The following GRID2IP variants were observed in gnomAD, a reference collection of about 807,000 sequenced individuals.
GRID2IP encodes the protein delphilin.
Under a neutral mutation model 114.3 loss-of-function variants are expected in GRID2IP, and 78 were observed. The observed-to-expected ratio is 0.68, with a 90% confidence interval of 0.57 to 0.82. GRID2IP has a LOEUF of 0.82. Among genes scored for constraint, GRID2IP ranks in the 40% least tolerant of loss-of-function variants. The probability of loss-of-function intolerance (pLI) is 0.00; values close to 1 mark genes in which losing one functional copy is unlikely to be tolerated. For missense variants in GRID2IP, 1,727 were observed against 1,678.5 expected (o/e 1.03, Z -0.51); for synonymous variants, 809 against 724.0 (o/e 1.12, Z -1.89).
intron 14 of GRID2IP, 127 bp downstream of exon 14, chr7:6,505,693 A>C: frequency 1.5e-6 from 1 of 655,394 alleles, no homozygotes; most frequent in Admixed American, 2.6e-5. Flanking sequence ...TAAATAACTC[A>C]GGGACTGAAG....
At chr7:6,529,308 G>A (rs1562521535) in intron 2 of GRID2IP, among the ~76,000 whole-genome samples, 1 of 152,086 alleles carries the variant, frequency 6.6e-6, no homozygotes, top group South Asian at 2.1e-4. Context: ...AAACTTAGCC[G>A]GGCATGGTAG....
rs1786581971 is a variant in GRID2IP at position 6,506,215 on chromosome 7, G to A, written c.2545-308C>T. ...TGTGAAGAGGCTAGAGCCAAGTAAG[G>A]GGCTACCGGAGGTGGCTCAGGGGTC... On this transcript the variant is annotated intron_variant, in intron 13 of 21. Coordinates refer to ENST00000457091, the MANE Select transcript of GRID2IP (RefSeq NM_001145118.2). The surrounding 1 kb of genome is among the most constrained non-coding windows in gnomAD (Gnocchi z 5.2). Among the ~76,000 whole-genome samples, 1 of 152,202 alleles carries A rather than the reference G, an allele frequency of 6.6e-6. No individual in the cohort carries two copies. Among genetic ancestry groups the A allele is most frequent in the Admixed American group, 6.5e-5 (1 of 15,278 alleles).
At chr7:6,522,047 G>T in intron 4 of GRID2IP, 90 bp from the exon 5 acceptor site, 1 of 1,023,892 alleles carries the variant, frequency 9.8e-7, no homozygotes, top group Non-Finnish European at 1.5e-6. Context: ...GCGAGAAATG[G>T]AGACTCAGAG....
Position 6,520,830 on chromosome 7 carries a change from CT to C in GRID2IP, c.1085-70del, listed in dbSNP as rs1779397908. ...CCCAGGCCAGGTGTAGTCTCCCTGG[CT>C]TTTGAGGTCAGGAGACCTCCTGAGC... is the stretch of plus-strand genomic sequence containing the variant. On this transcript the variant is annotated intron_variant, in intron 6 of 21. Coordinates refer to ENST00000457091, the MANE Select transcript of GRID2IP (RefSeq NM_001145118.2). The surrounding 1 kb of genome is among the most constrained non-coding windows in gnomAD (Gnocchi z 4.6). The C allele has an allele frequency of 2.1e-6, 3 of 1,445,534 alleles. No homozygotes were observed. The Admixed American group carries it at 6.3e-5, about 30-fold the overall frequency. 89.5% of individuals were successfully genotyped at this position (1,445,534 alleles called of 1,614,324 possible). A position where few individuals can be genotyped will look rare whatever the true frequency, so the allele number is the denominator to read the frequency against.
rs1393793815 is a variant in GRID2IP at position 6,520,675 on chromosome 7, C to T, written c.1171G>A (p.Val391Ile). ...TGCTGGCTGAAGGTCCTCCCTTGGACCCGGATGCTGGACGGCAGGATCTCC... is the reference window on the plus strand; with the variant it reads ...TGCTGGCTGAAGGTCCTCCCTTGGATCCGGATGCTGGACGGCAGGATCTCC... ...VAEILPSSIR[V>I]QGRTFSQQLE... Residue 391 changes from valine to isoleucine, a missense_variant, in exon 7 of 22, where the codon GTC (valine) becomes ATC (isoleucine). Transcript: ENST00000457091. This position sits in a 1 kb window ranked among gnomAD's most constrained non-coding sequence, Gnocchi z 4.6. 6.4e-7 allele frequency: 1 copy of T among 1,551,684 alleles called. No homozygotes were observed. Among genetic ancestry groups the T allele is most frequent in the South Asian group, 1.2e-5 (1 of 84,062 alleles).
chr7:6,518,898 T>C (rs1050098926), intron 7 of GRID2IP, among the ~76,000 whole-genome samples: 2 of 142,038 alleles, frequency 1.4e-5, no homozygotes, highest in African/African-American at 5.4e-5. Flanking sequence ...CAAAACATGA[T>C]ATCAAGCACA....
rs376161359 is a variant in GRID2IP at position 6,514,962 on chromosome 7, A to G, written c.1269-433T>C. 3.2e-4 allele frequency among the ~76,000 whole-genome samples: 49 copies of G among 150,880 alleles called. No individual in the cohort carries two copies. The East Asian group carries it at 9.0e-3, about 28-fold the overall frequency. ...GTGAGACTCCAACTCAAAAAAAAAA[A>G]AAAAGAAAAGAAAAAGAGAGAGAGA... On this transcript the variant is annotated intron_variant, in intron 7 of 21. Coordinates refer to ENST00000457091, the MANE Select transcript of GRID2IP (RefSeq NM_001145118.2).
chr7:6,518,254 C>T (rs926037031), intron 7 of GRID2IP, among the ~76,000 whole-genome samples: 1 of 151,782 alleles, frequency 6.6e-6, no homozygotes, highest in African/African-American at 2.4e-5. Context: ...ATAAAATATA[C>T]AAGAAACTTC....
Position 6,501,827 on chromosome 7 carries a change from T to TG in GRID2IP, c.3352dup (p.Gln1118ProfsTer7). 6.4e-7 allele frequency: 1 copy of TG among 1,551,552 alleles called. No individual in the cohort carries two copies. Among genetic ancestry groups the TG allele is most frequent in the Non-Finnish European group, 8.7e-7 (1 of 1,146,994 alleles). On this transcript the variant is annotated frameshift_variant, in exon 20 of 22. Transcript: ENST00000457091. LOFTEE classifies it high-confidence loss of function. ...GTCCTCGCTAGAGGGGGAAATGCTC[T>TG]GGCAGGCATCCTGTATCTCGCTGAT...
rs555924780 is a variant in GRID2IP, at chr7:6,497,758, C to T, written c.*16G>A. ...ATCTCCCTGCTCAGGCCGCAGAGGA[C>T]GCGGTGTGGCCACTGTCACCAGGCC... On this transcript the variant is annotated 3_prime_UTR_variant, in exon 22 of 22. Transcript: ENST00000457091. 1.5e-4 allele frequency: 225 copies of T among 1,543,446 alleles called. No homozygotes were observed. In the African/African-American group the frequency reaches 2.5e-3, roughly 17 times the overall value.
In GRID2IP at chr7:6,509,819, C is replaced by T. The variant is rs1583337251; in HGVS notation, c.1771+464G>A. ...ACTCGGGGACTTCCTCAGAATCAGG[C>T]ATCTGCCTTCTTTCTTTTTCTTTTT... On this transcript the variant is annotated intron_variant, in intron 11 of 21. Coordinates refer to ENST00000457091, the MANE Select transcript of GRID2IP (RefSeq NM_001145118.2). The surrounding 1 kb of genome is among the most constrained non-coding windows in gnomAD (Gnocchi z 4.9). Among the ~76,000 whole-genome samples, 1 of 152,312 alleles carries T rather than the reference C, an allele frequency of 6.6e-6. No homozygotes were observed. Among genetic ancestry groups the T allele is most frequent in the Admixed American group, 6.5e-5 (1 of 15,298 alleles).
chr7:6,509,254 A>G lies in GRID2IP; in HGVS notation c.1831T>C (p.Tyr611His). Residue 611 changes from tyrosine (Y) to histidine (H), a missense_variant, in exon 12 of 22, where the codon TAC becomes CAC. Tyr to His is a moderately conservative substitution (Grantham distance 83, BLOSUM62 2). Transcript: ENST00000457091. This position sits in a 1 kb window ranked among gnomAD's most constrained non-coding sequence, Gnocchi z 4.9. ...PSERLLPSPC[Y>H]HPLCSGGLAS... ...AGACCCCCCGAACACAGCGGGTGGT[A>G]GCAGGGGGAGGGCAAGAGTCGCTCG... is the stretch of plus-strand genomic sequence containing the variant. 3 of 1,526,980 alleles carry G rather than the reference A, an allele frequency of 2.0e-6. No individual in the cohort carries two copies. The highest frequency in any genetic ancestry group is 1.9e-4 in the Middle Eastern group (1 of 5,150). 94.6% of individuals were successfully genotyped at this position (1,526,980 alleles called of 1,614,324 possible).
chr7:6,533,367 T>C (rs1183597672), intron 2 of GRID2IP, among the ~76,000 whole-genome samples: 1 of 152,124 alleles, frequency 6.6e-6, no homozygotes, highest in Non-Finnish European at 1.5e-5. Flanking sequence ...ATCTCTCTTA[T>C]TTATTTTTAG....
chr7:6,510,586 G>A (rs918423154), intron 10 of GRID2IP, 23 bp downstream of exon 10: 10 of 1,506,224 alleles, frequency 6.6e-6, no homozygotes, highest in African/African-American at 1.4e-5. Context: ...CTGACCCCAC[G>A]TGGAGGGCAG....
Position 6,520,733 on chromosome 7 carries a change from C to T in GRID2IP, c.1113G>A (p.Pro371=), listed in dbSNP as rs779460741. The change falls in exon 7 of 22, where the codon CCG becomes CCA. Residue 371 remains proline (P), a synonymous_variant. Coordinates refer to ENST00000457091, the MANE Select transcript of GRID2IP (RefSeq NM_001145118.2). This position sits in a 1 kb window ranked among gnomAD's most constrained non-coding sequence, Gnocchi z 4.6. ...SDSDSLDSPN[P]SSALTSLQWV... ...ACTGCAGGGAGGTGAGCGCCGACGA[C>T]GGGTTGGGTGAGTCCAGAGAATCGG... 668 of 1,551,412 alleles carry T rather than the reference C, an allele frequency of 4.3e-4. 1 individual carries two copies. Among genetic ancestry groups the T allele is most frequent in the Non-Finnish European group, 5.5e-4 (631 of 1,146,896 alleles).
At chr7:6,543,010 C>G (rs570593742) in intron 1 of GRID2IP, among the ~76,000 whole-genome samples, 1 of 152,122 alleles carries the variant, frequency 6.6e-6, no homozygotes, top group African/African-American at 2.4e-5. Flanking sequence ...CTGGGGCTGT[C>G]AGGCCCCGCC....
chr7:6,521,642 C>G lies in GRID2IP; in HGVS notation c.990-119G>C, dbSNP rs1182787488. On this transcript the variant is annotated intron_variant, in intron 5 of 21. Transcript: ENST00000457091. This position sits in a 1 kb window ranked among gnomAD's most constrained non-coding sequence, Gnocchi z 4.1. ...ACAGCAAGACCACCTCTGTGTGACT[C>G]TGTGTCCCCAGCATGGAGCTGGAGT... 1.4e-6 allele frequency: 1 copy of G among 730,712 alleles called. No homozygotes were observed. The highest frequency in any genetic ancestry group is 2.3e-6 in the Non-Finnish European group (1 of 439,336). The allele number at this position is 730,712 out of a possible 1,614,324, so 45.3% of individuals were successfully genotyped here.
chr7:6,503,719 G>T, intron 15 of GRID2IP, 32 bp from the exon 16 acceptor site: 3 of 1,417,672 alleles, frequency 2.1e-6, no homozygotes, highest in Non-Finnish European at 1.8e-6. Context: ...GAGCTGGGCG[G>T]GGCCGGAGCG....
rs938281164 is a variant in GRID2IP, at chr7:6,510,659, G to A, written c.1603C>T (p.Arg535Cys). The part of the protein sequence containing the change: ...EMPLPLIPGE[R>C]QAGDGTSLPE... ...AGGGACGTGCCGTCGCCTGCCTGGCGCTCGCCTGGGATCAGGGGAAGAGGC... is the reference window on the plus strand; with the variant it reads ...AGGGACGTGCCGTCGCCTGCCTGGCACTCGCCTGGGATCAGGGGAAGAGGC... The change falls in exon 10 of 22, where the codon CGC (arginine) becomes TGC (cysteine). Residue 535 changes from arginine to cysteine, a missense_variant. Arg to Cys is a radical substitution (Grantham distance 180). Coordinates refer to ENST00000457091, the MANE Select transcript of GRID2IP (RefSeq NM_001145118.2). 4.6e-6 allele frequency: 7 copies of A among 1,538,160 alleles called. No individual in the cohort carries two copies. The highest frequency in any genetic ancestry group is 4.4e-6 in the Non-Finnish European group (5 of 1,143,026).
Sources: allele counts gnomAD v4.1 joint callset (sites outside exome capture counted in the v4.1 genomes callset), GRCh38; gene constraint gnomAD v4.1.1; non-coding constraint Gnocchi (gnomAD v3.1); transcripts MANE v1.5; gene names NCBI Gene and HGNC (gene_info 2026-07-23, HGNC 2026-07-21).